The following HHIPL1 variants were observed in gnomAD, a reference collection of about 807,000 sequenced individuals.
The protein encoded by HHIPL1 is HHIP-like protein 1.
A neutral mutation model predicts 61.8 loss-of-function variants in HHIPL1; 43 were observed. The ratio of observed to expected loss-of-function variants is 0.70; its 90% confidence interval spans 0.55 to 0.90. HHIPL1 has a LOEUF of 0.90. Ranked by LOEUF, HHIPL1 falls within the 40% of genes least tolerant of loss-of-function variation. The pLI is 0.00. For synonymous variants in HHIPL1, 482 were observed against 515.8 expected, an observed-to-expected ratio of 0.93 and a Z score of 0.89; for missense variants, 1,056 against 1,157.7, an observed-to-expected ratio of 0.91 and a Z score of 1.28.
chr14:99,678,971 A>G lies in HHIPL1; in HGVS notation c.*3345A>G, dbSNP rs1243582970. On this transcript the variant is annotated 3_prime_UTR_variant, in exon 9 of 9. Coordinates refer to ENST00000330710, the MANE Select transcript of HHIPL1 (RefSeq NM_001127258.3). ...CTGACCTCTGCTGAGCGCTTACTAC[A>G]TGCCAAGCACTGCTCTGAAAGTTTA... The G allele has an allele frequency of 6.6e-6, 1 of 152,258 alleles. No individual in the cohort carries two copies. Among genetic ancestry groups the G allele is most frequent in the Non-Finnish European group, 1.5e-5 (1 of 68,050 alleles). The allele number at this position is 152,258 out of a possible 1,614,324, so 9.4% of individuals were successfully genotyped here.
chr14:99,642,527 ATT>A (rs145210743), upstream of HHIPL1, among the ~76,000 whole-genome samples: 24 of 144,838 alleles, frequency 1.7e-4, no homozygotes, highest in South Asian at 1.8e-3. Context: ...ATATCTTTTA[ATT>A]TTTTTTTTTT....
chr14:99,660,147 A>C lies in HHIPL1; in HGVS notation c.1376-133A>C. On this transcript the variant is annotated intron_variant, in intron 4 of 8. Transcript: ENST00000330710. This position sits in a 1 kb window ranked among gnomAD's most constrained non-coding sequence, Gnocchi z 4.9. ...CCACCACGCCAGCCCTGCTGTGGGC[A>C]CGCCAGCCCTGCTGTGGGCACGCCC... The C allele has an allele frequency of 9.2e-7, 1 of 1,090,256 alleles. No homozygotes were observed. 67.5% of individuals were successfully genotyped at this position (1,090,256 alleles called of 1,614,324 possible).
In HHIPL1 at chr14:99,678,242, C is replaced by T. The variant is rs928251859; in HGVS notation, c.*2616C>T. 5 of 152,360 alleles carry T rather than the reference C, an allele frequency of 3.3e-5. No individual in the cohort carries two copies. The highest frequency in any genetic ancestry group is 9.6e-5 in the African/African-American group (4 of 41,562). 9.4% of individuals were successfully genotyped at this position (152,360 alleles called of 1,614,324 possible). A position where few individuals can be genotyped will look rare whatever the true frequency, so the allele number is the denominator to read the frequency against. ...GCCACTCACCTCCTGCTGTGTGGCC[C>T]GGTTCCTAACAGGCCACCCATCAGT... is the stretch of plus-strand genomic sequence containing the variant. On this transcript the variant is annotated 3_prime_UTR_variant, in exon 9 of 9. Transcript: ENST00000330710.
At chr14:99,645,759 C>T (rs774950290) in intron 1 of HHIPL1, among the ~76,000 whole-genome samples, 2 of 152,224 alleles carry the variant, frequency 1.3e-5, no homozygotes. Context: ...AGGTTGGGGG[C>T]TCTTCTGCCC....
chr14:99,607,020 C>CTTTT, the HHIPL1 span, among the ~76,000 whole-genome samples: 1 of 95,468 alleles, frequency 1.0e-5, no homozygotes, highest in African/African-American at 4.0e-5. Context: ...CGTGACTTTG[C>CTTTT]CTTTTTTTTT....
chr14:99,631,244 G>T, the HHIPL1 span, among the ~76,000 whole-genome samples: 1 of 151,718 alleles, frequency 6.6e-6, no homozygotes, highest in Non-Finnish European at 1.5e-5. Context: ...TTACAGGCAT[G>T]TGCCACCATA....
At chr14:99,619,073 C>G in the HHIPL1 span, among the ~76,000 whole-genome samples, 1 of 152,064 alleles carries the variant, frequency 6.6e-6, no homozygotes, top group South Asian at 2.1e-4. Context: ...AGTGCCTCAC[C>G]GAGCCTCACC....
upstream of HHIPL1, among the ~76,000 whole-genome samples, chr14:99,644,547 C>T (rs2055795877): frequency 6.6e-6 from 1 of 152,156 alleles, no homozygotes; most frequent in Non-Finnish European, 1.5e-5. Context: ...GAGGTAGATT[C>T]ATCAGTGCTC....
At chr14:99,643,294 C>T (rs1419910269), upstream of HHIPL1, among the ~76,000 whole-genome samples, 1 of 152,224 alleles carries the variant, frequency 6.6e-6, no homozygotes, top group Non-Finnish European at 1.5e-5. Context: ...CCCGCCTCAG[C>T]CTCCCAAAGT....
Position 99,657,136 on chromosome 14 carries a change from C to A in HHIPL1, c.1039C>A (p.Gln347Lys), listed in dbSNP as rs2056061163. The A allele has an allele frequency of 6.2e-7, 1 of 1,612,522 alleles. No homozygotes were observed. The highest frequency in any genetic ancestry group is 1.3e-5 in the African/African-American group (1 of 74,782). ...GDPFGTFGNA[Q>K]NKSALLGKVL... Reference sequence around the variant, plus strand: ...CCCCTTTGGGACATTTGGAAATGCCCAAAACAAGTATGTTCAGCTTTTGAT... The same window carrying A: ...CCCCTTTGGGACATTTGGAAATGCCAAAAACAAGTATGTTCAGCTTTTGAT... The change falls in exon 3 of 9, where the codon CAA becomes AAA. Residue 347 changes from glutamine (Q) to lysine (K), a missense_variant. Transcript: ENST00000330710.
chr14:99,634,852 T>C, the HHIPL1 span, among the ~76,000 whole-genome samples: 1 of 152,070 alleles, frequency 6.6e-6, no homozygotes, highest in African/African-American at 2.4e-5. Flanking sequence ...TTTTCATTGG[T>C]TTCTTTTTGT....
At chr14:99,615,376 A>C in the HHIPL1 span, among the ~76,000 whole-genome samples, 2 of 152,112 alleles carry the variant, frequency 1.3e-5, no homozygotes, top group South Asian at 2.1e-4. Context: ...AGGAAACCCT[A>C]TCTCTACAAA....
In HHIPL1 at chr14:99,668,163, G is replaced by C; in HGVS notation, c.1649-59G>C. ...TGCAGGGAGCCGGGTGGTGAGGCGG[G>C]GCTGGCTGGGACGGTATTCCAGGTG... is the stretch of plus-strand genomic sequence containing the variant. On this transcript the variant is annotated intron_variant, in intron 6 of 8. Transcript: ENST00000330710. The surrounding 1 kb of genome is among the most constrained non-coding windows in gnomAD (Gnocchi z 4.7). 2 of 1,047,386 alleles carry C rather than the reference G, an allele frequency of 1.9e-6. No homozygotes were observed. The highest frequency in any genetic ancestry group is 3.0e-6 in the Non-Finnish European group (2 of 664,154). The allele number at this position is 1,047,386 out of a possible 1,614,324, so 64.9% of individuals were successfully genotyped here. A position where few individuals can be genotyped will look rare whatever the true frequency, so the allele number is the denominator to read the frequency against.
At chr14:99,605,390 G>GT in the HHIPL1 span, among the ~76,000 whole-genome samples, 1 of 151,356 alleles carries the variant, frequency 6.6e-6, no homozygotes, top group South Asian at 2.1e-4. Context: ...GGCGGGGCGG[G>GT]GGGGGGTCCC....
the HHIPL1 span, among the ~76,000 whole-genome samples, chr14:99,624,017 A>T: frequency 6.6e-6 from 1 of 152,364 alleles, no homozygotes; most frequent in Non-Finnish European, 1.5e-5. Context: ...TGTGCCAAGC[A>T]TGAAATGGGC....
At chr14:99,612,242 G>A in the HHIPL1 span, among the ~76,000 whole-genome samples, 21 of 152,164 alleles carry the variant, frequency 1.4e-4, no homozygotes, top group African/African-American at 4.3e-4. Context: ...ACTCACTGAC[G>A]ATGAGAGAAA....
chr14:99,606,591 T>C, the HHIPL1 span, among the ~76,000 whole-genome samples: 1 of 152,184 alleles, frequency 6.6e-6, no homozygotes, highest in Non-Finnish European at 1.5e-5. Flanking sequence ...CCCCTGATCC[T>C]CCAGAGCTGG....
chr14:99,609,919 T>C, the HHIPL1 span, among the ~76,000 whole-genome samples: 19 of 152,196 alleles, frequency 1.2e-4, no homozygotes, highest in African/African-American at 4.6e-4. Context: ...GCCAGACTTG[T>C]GTGTGATTAG....
At chr14:99,611,207 G>A in the HHIPL1 span, among the ~76,000 whole-genome samples, 1 of 152,052 alleles carries the variant, frequency 6.6e-6, no homozygotes. Flanking sequence ...ATGGCTGACT[G>A]CAGCCTTAAC....
Sources: allele counts gnomAD v4.1 joint callset (sites outside exome capture counted in the v4.1 genomes callset), GRCh38; gene constraint gnomAD v4.1.1; non-coding constraint Gnocchi (gnomAD v3.1); transcripts MANE v1.5; gene names NCBI Gene and HGNC (gene_info 2026-07-23, HGNC 2026-07-21).